The following TBC1D22A variants were observed in gnomAD, a reference collection of about 807,000 sequenced individuals.
TBC1D22A encodes the protein putative GTPase activator.
In TBC1D22A, 38 loss-of-function variants were observed where a neutral mutation model predicts 60.2. That is an observed-to-expected ratio of 0.63 (90% confidence interval 0.49 to 0.83). The LOEUF (loss-of-function observed/expected upper bound fraction) is 0.83. TBC1D22A is among the 40% of genes least tolerant of loss of function. The pLI, the probability that TBC1D22A is intolerant of heterozygous loss-of-function variation, is 0.00. For synonymous variants in TBC1D22A, 302 were observed against 281.7 expected, an observed-to-expected ratio of 1.07 and a Z score of -0.72; for missense variants, 628 against 701.0, an observed-to-expected ratio of 0.90 and a Z score of 1.18.
chr22:46,944,628 G>A (rs572866982), intron 8 of TBC1D22A, among the ~76,000 whole-genome samples: 1 of 152,302 alleles, frequency 6.6e-6, no homozygotes, highest in African/African-American at 2.4e-5. Context: ...TTGATCTCAT[G>A]ACCTTGTAAT....
intron 4 of TBC1D22A, among the ~76,000 whole-genome samples, chr22:46,805,002 C>T (rs1296389323): frequency 1.3e-5 from 2 of 152,138 alleles, no homozygotes; most frequent in Non-Finnish European, 2.9e-5. Flanking sequence ...GAAAGTAGGG[C>T]GAGTATGGCA....
intron 11 of TBC1D22A, among the ~76,000 whole-genome samples, chr22:47,072,013 T>A (rs1400918192): frequency 6.6e-6 from 1 of 152,060 alleles, no homozygotes; most frequent in Non-Finnish European, 1.5e-5. Context: ...TCTTTACGAG[T>A]GTTATTCTAG....
chr22:46,956,246 C>T (rs1462451559), intron 8 of TBC1D22A, among the ~76,000 whole-genome samples: 1 of 151,948 alleles, frequency 6.6e-6, no homozygotes, highest in Non-Finnish European at 1.5e-5. Context: ...AAAGTGAGGC[C>T]ATTAGGGTGT....
At chr22:47,147,060 C>T (rs924141315) in intron 12 of TBC1D22A, among the ~76,000 whole-genome samples, 11 of 152,180 alleles carry the variant, frequency 7.2e-5, no homozygotes, top group Non-Finnish European at 1.6e-4. Flanking sequence ...AGGGCCGCTG[C>T]GCAGAAGGAA....
chr22:46,792,380 G>C (rs889681115), intron 1 of TBC1D22A, 140 bp from the exon 2 acceptor site: 70 of 1,148,870 alleles, frequency 6.1e-5, no homozygotes, highest in Non-Finnish European at 8.9e-5. Flanking sequence ...GGTGGCTGCA[G>C]GGGGGCCTGC....
intron 1 of TBC1D22A, among the ~76,000 whole-genome samples, chr22:46,765,481 T>C (rs2083249289): frequency 6.6e-6 from 1 of 152,210 alleles, no homozygotes; most frequent in Non-Finnish European, 1.5e-5. Context: ...TTTTGTTTTT[T>C]TTGAGATGGA....
intron 9 of TBC1D22A, among the ~76,000 whole-genome samples, chr22:46,977,342 A>C (rs2074338925): frequency 6.6e-6 from 1 of 151,942 alleles, no homozygotes; most frequent in African/African-American, 2.4e-5. Flanking sequence ...ATTTTGGCCG[A>C]GATGTATGAA....
intron 12 of TBC1D22A, among the ~76,000 whole-genome samples, chr22:47,155,757 C>T (rs983786212): frequency 3.9e-5 from 6 of 152,246 alleles, no homozygotes; most frequent in South Asian, 2.1e-4. Flanking sequence ...GACCCCCACC[C>T]GAGTGCCCAC....
At chr22:47,074,869 C>T (rs2064139503) in intron 11 of TBC1D22A, among the ~76,000 whole-genome samples, 1 of 152,214 alleles carries the variant, frequency 6.6e-6, no homozygotes, top group Non-Finnish European at 1.5e-5. Flanking sequence ...TTCTTGTGAG[C>T]ATCTACTCTG....
intron 1 of TBC1D22A, among the ~76,000 whole-genome samples, chr22:46,769,109 A>AAG (rs2083398314): frequency 6.6e-6 from 1 of 150,990 alleles, no homozygotes; most frequent in South Asian, 2.1e-4. Context: ...AAAAAAAAAA[A>AAG]AAAAAAAGAA....
chr22:47,046,414 T>C (rs1377019719), intron 11 of TBC1D22A, among the ~76,000 whole-genome samples: 2 of 152,178 alleles, frequency 1.3e-5, no homozygotes, highest in Non-Finnish European at 2.9e-5. Context: ...CCAGAGTCCC[T>C]GAACCTCCCT....
At chr22:47,059,391 G>A (rs755563221) in intron 11 of TBC1D22A, among the ~76,000 whole-genome samples, 1 of 152,196 alleles carries the variant, frequency 6.6e-6, no homozygotes, top group Non-Finnish European at 1.5e-5. Context: ...TCACACCAGC[G>A]CCCACTCTCA....
chr22:46,775,024 G>T (rs1467919573), intron 1 of TBC1D22A, among the ~76,000 whole-genome samples: 4 of 152,250 alleles, frequency 2.6e-5, no homozygotes, highest in South Asian at 2.1e-4. Flanking sequence ...AGGCTTGCTG[G>T]CTCTAAGGCT....
chr22:46,832,352 T>C (rs1392033169), intron 4 of TBC1D22A, among the ~76,000 whole-genome samples: 1 of 152,234 alleles, frequency 6.6e-6, no homozygotes, highest in Non-Finnish European at 1.5e-5. Flanking sequence ...CGTTTTCTTT[T>C]AAAATATGTT....
At chr22:47,025,174 T>G (rs893010642) in intron 10 of TBC1D22A, among the ~76,000 whole-genome samples, 3 of 152,228 alleles carry the variant, frequency 2.0e-5, no homozygotes, top group Non-Finnish European at 2.9e-5. Context: ...AAGGAGATTT[T>G]GAGCTCCTCT....
intron 8 of TBC1D22A, among the ~76,000 whole-genome samples, chr22:46,958,122 C>T (rs2073306428): frequency 6.6e-6 from 1 of 152,130 alleles, no homozygotes; most frequent in South Asian, 2.1e-4. Flanking sequence ...GTGTGGCTCT[C>T]ATCAGGGAGC....
chr22:46,947,314 A>G (rs1023374959), intron 8 of TBC1D22A, among the ~76,000 whole-genome samples: 2 of 152,082 alleles, frequency 1.3e-5, no homozygotes, highest in Non-Finnish European at 2.9e-5. Context: ...TCGAATGGCT[A>G]AGGGTGGTTG....
chr22:46,831,844 G>A (rs376741554), intron 4 of TBC1D22A, among the ~76,000 whole-genome samples: 4 of 152,228 alleles, frequency 2.6e-5, no homozygotes, highest in African/African-American at 9.6e-5. Flanking sequence ...ATAGATCATC[G>A]TGGCGAAGTC....
intron 10 of TBC1D22A, among the ~76,000 whole-genome samples, chr22:47,016,072 TC>T (rs1245342499): frequency 6.6e-6 from 1 of 152,124 alleles, no homozygotes; most frequent in Non-Finnish European, 1.5e-5. Flanking sequence ...AGCATGCACT[TC>T]CCTGGTTCTG....
Sources: gnomAD v4.1 joint callset for allele counts (sites outside exome capture counted in the v4.1 genomes callset) on GRCh38, gnomAD v4.1.1 for gene constraint, MANE v1.5 for transcripts, NCBI Gene and HGNC (gene_info 2026-07-23, HGNC 2026-07-21) for gene names.